LDLRAD4: variants seen among roughly 807,000 people sequenced by gnomAD.
LDLRAD4 encodes the protein low density lipoprotein receptor class A domain containing 4.
A neutral mutation model predicts 17.0 loss-of-function variants in LDLRAD4; 5 were observed. The ratio of observed to expected loss-of-function variants is 0.29; its 90% confidence interval spans 0.15 to 0.62. LDLRAD4 has a LOEUF of 0.62. Among genes scored for constraint, LDLRAD4 ranks in the 20% least tolerant of loss-of-function variants. The probability of loss-of-function intolerance (pLI) is 0.84; values close to 1 mark genes in which losing one functional copy is unlikely to be tolerated. For synonymous variants in LDLRAD4, 168 were observed against 171.8 expected (o/e 0.98, Z 0.17); for missense variants, 340 against 424.7 (o/e 0.80, Z 1.75).
chr18:13,540,524 T>C (rs2094264065), intron 3 of LDLRAD4, among the ~76,000 whole-genome samples: 1 of 152,194 alleles, frequency 6.6e-6, no homozygotes, highest in Non-Finnish European at 1.5e-5. Context: ...TCAATCCTGG[T>C]GGAGAGCTGG....
intron 1 of LDLRAD4, among the ~76,000 whole-genome samples, chr18:13,281,301 A>G (rs2045261133): frequency 6.6e-6 from 1 of 152,132 alleles, no homozygotes; most frequent in Admixed American, 6.5e-5. Context: ...AGGCGGGAGG[A>G]TCACTTGAGC....
intron 3 of LDLRAD4, among the ~76,000 whole-genome samples, chr18:13,529,799 A>C (rs2094099671): frequency 6.6e-6 from 1 of 152,246 alleles, no homozygotes; most frequent in Non-Finnish European, 1.5e-5. Flanking sequence ...TTTCATCCAC[A>C]TAGGCTGTCC....
At chr18:13,650,258 C>T in exon 6 of LDLRAD4, 1 of 409,638 alleles carries the variant, frequency 2.4e-6, no homozygotes, top group Non-Finnish European at 4.3e-6. Context: ...GCTGCTGCTG[C>T]TGCTGCTGCT....
chr18:13,594,907 A>G (rs929566602), intron 3 of LDLRAD4, among the ~76,000 whole-genome samples: 1 of 152,060 alleles, frequency 6.6e-6, no homozygotes, highest in Non-Finnish European at 1.5e-5. Flanking sequence ...TACTAATTCA[A>G]TCTCTTTACT....
At chr18:13,417,517 C>T (rs1412029431) in intron 2 of LDLRAD4, among the ~76,000 whole-genome samples, 2 of 151,504 alleles carry the variant, frequency 1.3e-5, no homozygotes, top group East Asian at 3.9e-4. Flanking sequence ...ACTGCAAGCT[C>T]TGCCTCCCGG....
intron 3 of LDLRAD4, among the ~76,000 whole-genome samples, chr18:13,603,417 T>C (rs754496039): frequency 3.9e-5 from 6 of 152,226 alleles, no homozygotes; most frequent in Admixed American, 6.5e-5. Context: ...CATTTAGAGT[T>C]GGACTGATGC....
chr18:13,474,381 A>T (rs947255845), intron 3 of LDLRAD4, among the ~76,000 whole-genome samples: 1 of 152,192 alleles, frequency 6.6e-6, no homozygotes, highest in Non-Finnish European at 1.5e-5. Context: ...CCTGAGTCAG[A>T]CATATCCATC....
intron 2 of LDLRAD4, among the ~76,000 whole-genome samples, chr18:13,390,317 A>G (rs2086170882): frequency 1.3e-5 from 2 of 152,282 alleles, no homozygotes; most frequent in East Asian, 3.9e-4. Flanking sequence ...TGCTCCTGCT[A>G]TGTGTCCTTT....
intron 3 of LDLRAD4, among the ~76,000 whole-genome samples, chr18:13,567,363 C>T (rs1249917241): frequency 3.3e-5 from 5 of 152,194 alleles, no homozygotes; most frequent in Non-Finnish European, 7.3e-5. Context: ...GGCTTGTTGA[C>T]CTGGGAGCTC....
chr18:13,350,212 T>G (rs1163642379), intron 1 of LDLRAD4, among the ~76,000 whole-genome samples: 2 of 152,214 alleles, frequency 1.3e-5, no homozygotes, highest in Non-Finnish European at 2.9e-5. Context: ...CCACACTGTC[T>G]TCCACAATGG....
chr18:13,445,355 G>T (rs2146281112), intron 3 of LDLRAD4, among the ~76,000 whole-genome samples: 1 of 152,294 alleles, frequency 6.6e-6, no homozygotes, highest in Non-Finnish European at 1.5e-5. Flanking sequence ...AAGTGTGTGG[G>T]TGTCAGAGAG....
At chr18:13,422,028 G>A (rs1342828634) in intron 2 of LDLRAD4, among the ~76,000 whole-genome samples, 1 of 152,230 alleles carries the variant, frequency 6.6e-6, no homozygotes, top group Non-Finnish European at 1.5e-5. Flanking sequence ...CCCCGGGGAG[G>A]AGCTCTGTTT....
chr18:13,619,227 A>G (rs1475986974), intron 3 of LDLRAD4, among the ~76,000 whole-genome samples: 6 of 152,112 alleles, frequency 3.9e-5, no homozygotes, highest in African/African-American at 1.4e-4. Context: ...GTGTGGGGGT[A>G]GGGTCCTGAG....
chr18:13,309,930 G>GTT (rs1298744876), intron 1 of LDLRAD4, among the ~76,000 whole-genome samples: 1 of 152,176 alleles, frequency 6.6e-6, no homozygotes, highest in Non-Finnish European at 1.5e-5. Context: ...ACTGTCAATG[G>GTT]AACGATAGCG....
At chr18:13,554,465 A>AT in intron 3 of LDLRAD4, among the ~76,000 whole-genome samples, 2 of 151,728 alleles carry the variant, frequency 1.3e-5, no homozygotes. Flanking sequence ...TTCTGTTAAT[A>AT]TTTTTTTTCA....
At chr18:13,381,889 A>T (rs2060975) in intron 1 of LDLRAD4, among the ~76,000 whole-genome samples, 108,274 of 151,748 alleles carry the variant, frequency 0.71, 38,755 homozygotes, top group Admixed American at 0.77. Flanking sequence ...TATTTTTTTT[A>T]AATTTTGCAG....
intron 3 of LDLRAD4, among the ~76,000 whole-genome samples, chr18:13,450,338 A>AC (rs2091748432): frequency 8.9e-5 from 1 of 11,278 alleles, no homozygotes; most frequent in Non-Finnish European, 2.2e-4. Flanking sequence ...CCCCCCCCCC[A>AC]AAAAAACACA....
chr18:13,341,454 G>A (rs2082368699), intron 1 of LDLRAD4, among the ~76,000 whole-genome samples: 2 of 151,762 alleles, frequency 1.3e-5, no homozygotes, highest in Non-Finnish European at 1.5e-5. Flanking sequence ...CCTTGGTTAA[G>A]CTTATTCCTA....
chr18:13,562,467 A>G (rs1219750384), intron 3 of LDLRAD4, among the ~76,000 whole-genome samples: 1 of 152,248 alleles, frequency 6.6e-6, no homozygotes, highest in Non-Finnish European at 1.5e-5. Flanking sequence ...TAATTGACAA[A>G]GATTGTCTCT....
Sources: allele counts gnomAD v4.1 joint callset (sites outside exome capture counted in the v4.1 genomes callset), GRCh38; gene constraint gnomAD v4.1.1; transcripts MANE v1.5; gene names NCBI Gene and HGNC (gene_info 2026-07-23, HGNC 2026-07-21).